ADRA1A: variants seen among roughly 807,000 people sequenced by gnomAD.
The protein encoded by ADRA1A is adrenoceptor alpha 1A.
In ADRA1A, 31 loss-of-function variants were observed where a neutral mutation model predicts 29.6. That is an observed-to-expected ratio of 1.05 (90% CI 0.79 to 1.41). ADRA1A has a LOEUF of 1.41. ADRA1A is among the 40% of genes most tolerant of loss of function. The pLI is 0.00. For missense variants in ADRA1A, 619 were observed against 601.1 expected (o/e 1.03, Z -0.31); for synonymous variants, 311 against 254.3 (o/e 1.22, Z -2.12).
In ADRA1A at chr8:26,821,722, A is replaced by T. The variant is rs73231573; in HGVS notation, c.883+42365T>A. ...CCATCCTGGCAAGGAGCTCTCAAAT[A>T]GTCCTTTTATAGCCATACCCACTTC... On this transcript the variant is annotated intron_variant, in intron 2 of 2. Coordinates refer to ENST00000380573, the MANE Select transcript of ADRA1A (RefSeq NM_000680.4). The surrounding 1 kb of genome is among the most constrained non-coding windows in gnomAD (Gnocchi z 5.6). Among the ~76,000 whole-genome samples, 19,411 of 152,180 alleles carry T rather than the reference A, an allele frequency of 0.13. 1,539 individuals carry two copies. The highest frequency in any genetic ancestry group is 0.29 in the Middle Eastern group (85 of 294).
intron 2 of ADRA1A, among the ~76,000 whole-genome samples, chr8:26,788,411 A>G (rs116405348): frequency 0.021 from 3,156 of 152,254 alleles, 102 homozygotes; most frequent in African/African-American, 0.069. Context: ...AAAGCCTCCC[A>G]GAAATTAGAC....
At chr8:26,830,659 A>G (rs550304253) in intron 2 of ADRA1A, among the ~76,000 whole-genome samples, 4 of 152,210 alleles carry the variant, frequency 2.6e-5, no homozygotes, top group Non-Finnish European at 4.4e-5. Context: ...TATTTAAGGA[A>G]TTAACCAAGA....
intron 2 of ADRA1A, among the ~76,000 whole-genome samples, chr8:26,840,553 T>C (rs61762863): frequency 6.6e-6 from 1 of 151,842 alleles, no homozygotes; most frequent in Non-Finnish European, 1.5e-5. Flanking sequence ...AATGCACTTC[T>C]TGGGAAGTTT....
downstream of ADRA1A, among the ~76,000 whole-genome samples, chr8:26,764,370 C>T (rs1236814406): frequency 2.0e-5 from 3 of 152,282 alleles, no homozygotes; most frequent in East Asian, 5.8e-4. Context: ...GCTTGTCTGT[C>T]AGTCAATGAC....
intron 2 of ADRA1A, among the ~76,000 whole-genome samples, chr8:26,833,990 C>T (rs564651203): frequency 2.6e-5 from 4 of 152,172 alleles, no homozygotes; most frequent in South Asian, 4.2e-4. Flanking sequence ...TTTTGTATGT[C>T]TGGATAACTC....
Position 26,806,366 on chromosome 8 carries a change from G to C in ADRA1A, c.884-35700C>G, listed in dbSNP as rs1808982753. Among the ~76,000 whole-genome samples, 1 of 151,388 alleles carries C rather than the reference G, an allele frequency of 6.6e-6. No individual in the cohort carries two copies. The highest frequency in any genetic ancestry group is 1.5e-5 in the Non-Finnish European group (1 of 67,882). ...TCCCTTACTGTATAACAGATAGCAG[G>C]GTGCAAAAAGCCCTTTATCCTGTTA... is the stretch of plus-strand genomic sequence containing the variant. On this transcript the variant is annotated intron_variant, in intron 2 of 2. Transcript: ENST00000380573. This position sits in a 1 kb window ranked among gnomAD's most constrained non-coding sequence, Gnocchi z 4.6.
downstream of ADRA1A, among the ~76,000 whole-genome samples, chr8:26,766,890 CAAA>C (rs545779845): frequency 4.8e-3 from 737 of 152,216 alleles, 7 homozygotes; most frequent in African/African-American, 0.015. Context: ...TTTATTTACC[CAAA>C]CACTACTGTC....
At chr8:26,774,394 C>T (rs1048953610) in intron 2 of ADRA1A, among the ~76,000 whole-genome samples, 34 of 152,208 alleles carry the variant, frequency 2.2e-4, no homozygotes, top group African/African-American at 8.0e-4. Context: ...AAGGGCTAGG[C>T]ATGGTGGCTC....
rs183816450 is a variant in ADRA1A, at chr8:26,775,094, C to T, written c.884-4428G>A. Among the ~76,000 whole-genome samples the T allele has an allele frequency of 3.0e-4, 45 of 152,318 alleles. No individual in the cohort carries two copies. The South Asian group carries it at 7.9e-3, about 27-fold the overall frequency. ...AAGTCCATTCGAGCAGCCATCCGGC[C>T]GGCTTTGCTCACTCACGGAGCTCCA... On this transcript the variant is annotated intron_variant, in intron 2 of 2. Coordinates refer to ENST00000380573, the MANE Select transcript of ADRA1A (RefSeq NM_000680.4). The surrounding 1 kb of genome is among the most constrained non-coding windows in gnomAD (Gnocchi z 4.1).
At position 26,815,959 on chromosome 8, in the gene ADRA1A, T is replaced by G. The variant is rs2130566626; in HGVS notation, c.884-45293A>C. 6.6e-6 allele frequency among the ~76,000 whole-genome samples: 1 copy of G among 152,288 alleles called. No individual in the cohort carries two copies. Among genetic ancestry groups the G allele is most frequent in the African/African-American group, 2.4e-5 (1 of 41,564 alleles). On this transcript the variant is annotated intron_variant, in intron 2 of 2. Transcript: ENST00000380573. The surrounding 1 kb of genome is among the most constrained non-coding windows in gnomAD (Gnocchi z 4.2). ...CAAGGGAGGGGGCGTGTCCAGGTGC[T>G]GCTGGTTGCTTTATCATGAGCCTTG...
In ADRA1A at chr8:26,861,390, C is replaced by T. The variant is rs1381506846; in HGVS notation, c.883+2697G>A. 4.7e-5 allele frequency among the ~76,000 whole-genome samples: 7 copies of T among 150,196 alleles called. No homozygotes were observed. The East Asian group carries it at 1.4e-3, about 30-fold the overall frequency. On this transcript the variant is annotated intron_variant, in intron 2 of 2. Transcript: ENST00000380573. ...GATCTCGGCTCACTGCAACCTCTGCCTCCCGGGTTCAAGCGATTCTCCTGC... is the reference window on the plus strand; with the variant it reads ...GATCTCGGCTCACTGCAACCTCTGCTTCCCGGGTTCAAGCGATTCTCCTGC...
intron 2 of ADRA1A, among the ~76,000 whole-genome samples, chr8:26,799,053 GC>G (rs1376467746): frequency 6.6e-6 from 1 of 152,092 alleles, no homozygotes; most frequent in Non-Finnish European, 1.5e-5. Flanking sequence ...AACTAAAAAA[GC>G]CCCGGATGTT....
chr8:26,772,537 A>G (rs1806248333), intron 2 of ADRA1A, among the ~76,000 whole-genome samples: 1 of 152,178 alleles, frequency 6.6e-6, no homozygotes, highest in Non-Finnish European at 1.5e-5. Flanking sequence ...TCTTATCTGA[A>G]AAAGGAGTAT....
At position 26,866,285 on chromosome 8, in the gene ADRA1A, G is replaced by T. The variant is rs540985175; in HGVS notation, c.-686-630C>A. 3.3e-4 allele frequency among the ~76,000 whole-genome samples: 51 copies of T among 152,272 alleles called. No homozygotes were observed. Among genetic ancestry groups the T allele is most frequent in the Non-Finnish European group, 5.7e-4 (39 of 68,024 alleles). ...CGGGAGGGACCCGAAGACAGAAAGC[G>T]ACCCAGGTCTGTCCACGACGCCTTT... On this transcript the variant is annotated intron_variant, in intron 1 of 2. Coordinates refer to ENST00000380573, the MANE Select transcript of ADRA1A (RefSeq NM_000680.4). The surrounding 1 kb of genome is among the most constrained non-coding windows in gnomAD (Gnocchi z 5.7).
chr8:26,811,532 CA>C (rs1179952947), intron 2 of ADRA1A, among the ~76,000 whole-genome samples: 2 of 152,326 alleles, frequency 1.3e-5, no homozygotes, highest in Admixed American at 1.3e-4. Flanking sequence ...GTATTTACAC[CA>C]ATCTCTCCTT....
At chr8:26,768,369 G>C (rs1013971790), downstream of ADRA1A, among the ~76,000 whole-genome samples, 1 of 152,172 alleles carries the variant, frequency 6.6e-6, no homozygotes, top group African/African-American at 2.4e-5. Flanking sequence ...TTGTTGTCGA[G>C]AATTATTCCA....
exon 3 of ADRA1A, chr8:26,748,311 G>C (rs1281666560): frequency 6.2e-6 from 1 of 161,962 alleles, no homozygotes; most frequent in Non-Finnish European, 1.3e-5. Flanking sequence ...TGTTGGGGGG[G>C]TGGTTCTGAG....
intron 2 of ADRA1A, among the ~76,000 whole-genome samples, chr8:26,861,331 G>T (rs1285280314): frequency 7.5e-6 from 1 of 132,774 alleles, no homozygotes; most frequent in Non-Finnish European, 1.6e-5. Flanking sequence ...TTTAGATGGA[G>T]CCTCGCTCTG....
At chr8:26,752,890 C>T (rs1170877715), downstream of ADRA1A, among the ~76,000 whole-genome samples, 4 of 152,134 alleles carry the variant, frequency 2.6e-5, no homozygotes, top group African/African-American at 7.2e-5. Flanking sequence ...TTTCATTAGC[C>T]CAGAAGCCCT....
Sources: allele counts gnomAD v4.1 joint callset (sites outside exome capture counted in the v4.1 genomes callset), GRCh38; gene constraint gnomAD v4.1.1; non-coding constraint Gnocchi (gnomAD v3.1); transcripts MANE v1.5; gene names NCBI Gene and HGNC (gene_info 2026-07-23, HGNC 2026-07-21).